PAPPA2: variants seen among roughly 807,000 people sequenced by gnomAD.
The protein encoded by PAPPA2 is pappalysin-2.
Under a neutral mutation model 176.4 loss-of-function variants are expected in PAPPA2, and 86 were observed. That is an observed-to-expected ratio of 0.49 (90% confidence interval 0.41 to 0.58). The LOEUF (loss-of-function observed/expected upper bound fraction) is 0.58, where lower values mean the gene tolerates loss of function less well. Among genes scored for constraint, PAPPA2 ranks in the 20% least tolerant of loss-of-function variants. The pLI is 0.00. For missense variants in PAPPA2, 2,073 were observed against 2,256.9 expected, an observed-to-expected ratio of 0.92 and a Z score of 1.65; for synonymous variants, 809 against 852.2, an observed-to-expected ratio of 0.95 and a Z score of 0.88.
chr1:176,713,190 C>T (rs1661219915), intron 12 of PAPPA2, among the ~76,000 whole-genome samples: 1 of 151,158 alleles, frequency 6.6e-6, no homozygotes, highest in African/African-American at 2.4e-5. Context: ...GGGTCTCGCT[C>T]TGTTTTCCAG....
At chr1:176,752,581 A>C (rs1231361064) in intron 14 of PAPPA2, among the ~76,000 whole-genome samples, 1 of 152,188 alleles carries the variant, frequency 6.6e-6, no homozygotes, top group Non-Finnish European at 1.5e-5. Context: ...AGACTCACAG[A>C]TAGAGACCTG....
At chr1:176,609,299 T>G (rs1297512160) in intron 3 of PAPPA2, among the ~76,000 whole-genome samples, 1 of 152,222 alleles carries the variant, frequency 6.6e-6, no homozygotes, top group Non-Finnish European at 1.5e-5. Context: ...AGACACTGTT[T>G]TCAGCTTTGT....
intron 21 of PAPPA2, among the ~76,000 whole-genome samples, chr1:176,820,512 T>C (rs1327370487): frequency 6.6e-6 from 1 of 152,106 alleles, no homozygotes; most frequent in East Asian, 1.9e-4. Flanking sequence ...AGCCGGGGTG[T>C]TTCCTTACAC....
At chr1:176,569,286 C>T (rs1230313818) in intron 2 of PAPPA2, among the ~76,000 whole-genome samples, 4 of 152,202 alleles carry the variant, frequency 2.6e-5, no homozygotes, top group African/African-American at 9.7e-5. Context: ...ATACAGCACT[C>T]TCCCTGGCCT....
At chr1:176,542,352 A>G (rs1650408611) in intron 1 of PAPPA2, among the ~76,000 whole-genome samples, 1 of 152,188 alleles carries the variant, frequency 6.6e-6, no homozygotes, top group South Asian at 2.1e-4. Context: ...TGGGAGTGAC[A>G]GAAAGTTTAA....
intron 17 of PAPPA2, among the ~76,000 whole-genome samples, chr1:176,784,616 T>C (rs1424676863): frequency 6.6e-6 from 1 of 151,280 alleles, no homozygotes; most frequent in Non-Finnish European, 1.5e-5. Context: ...AGACAGAATC[T>C]TGCTCTGTCT....
At chr1:176,594,425 C>T in intron 2 of PAPPA2, 99 bp from the exon 3 acceptor site, 3 of 1,017,160 alleles carry the variant, frequency 2.9e-6, no homozygotes, top group East Asian at 2.6e-5. Context: ...CCATTAAAAA[C>T]CTGCATTCTT....
intron 1 of PAPPA2, among the ~76,000 whole-genome samples, chr1:176,536,277 C>T (rs141515837): frequency 2.0e-5 from 3 of 152,252 alleles, no homozygotes; most frequent in Non-Finnish European, 2.9e-5. Context: ...AGGTAGGGTC[C>T]GGGTGAGCTT....
At chr1:176,632,134 G>A (rs570536112) in intron 3 of PAPPA2, among the ~76,000 whole-genome samples, 6 of 152,184 alleles carry the variant, frequency 3.9e-5, no homozygotes, top group South Asian at 2.1e-4. Context: ...ATTTTCACTC[G>A]TGAAGGAAAT....
At chr1:176,639,437 T>C (rs1656938674) in intron 3 of PAPPA2, among the ~76,000 whole-genome samples, 1 of 152,122 alleles carries the variant, frequency 6.6e-6, no homozygotes, top group Non-Finnish European at 1.5e-5. Context: ...TATTCTAACT[T>C]AAATCTAATT....
At chr1:176,723,073 C>T (rs146597205) in intron 12 of PAPPA2, among the ~76,000 whole-genome samples, 13 of 152,230 alleles carry the variant, frequency 8.5e-5, no homozygotes, top group East Asian at 1.9e-4. Context: ...CTTCTTGCTG[C>T]ATCAAAACAT....
At chr1:176,837,707 C>A (rs997721324) in intron 21 of PAPPA2, among the ~76,000 whole-genome samples, 1 of 151,982 alleles carries the variant, frequency 6.6e-6, no homozygotes, top group Non-Finnish European at 1.5e-5. Flanking sequence ...AAGCCCAGTA[C>A]CTTTTCTTGG....
At chr1:176,592,987 C>T (rs1653752474) in intron 2 of PAPPA2, among the ~76,000 whole-genome samples, 1 of 152,046 alleles carries the variant, frequency 6.6e-6, no homozygotes, top group South Asian at 2.1e-4. Flanking sequence ...CAGATAGACC[C>T]CAGTGTGAAA....
intron 3 of PAPPA2, among the ~76,000 whole-genome samples, chr1:176,662,872 A>G (rs2102761024): frequency 6.6e-6 from 1 of 152,312 alleles, no homozygotes; most frequent in African/African-American, 2.4e-5. Context: ...GGCTATTGCA[A>G]ATACTAAAAA....
intron 14 of PAPPA2, among the ~76,000 whole-genome samples, chr1:176,752,342 T>TA (rs58591760): frequency 0.05 from 4,788 of 96,474 alleles, 96 homozygotes; most frequent in Middle Eastern, 0.077. Flanking sequence ...TAGAGTATAA[T>TA]AAAAAAAAAA....
intron 3 of PAPPA2, among the ~76,000 whole-genome samples, chr1:176,646,676 G>T (rs1241475743): frequency 6.6e-6 from 1 of 151,144 alleles, no homozygotes; most frequent in Non-Finnish European, 1.5e-5. Context: ...GTCTTTCTGT[G>T]CTTGGCTTAT....
intron 3 of PAPPA2, among the ~76,000 whole-genome samples, chr1:176,660,571 T>G (rs974177466): frequency 3.3e-5 from 5 of 152,106 alleles, no homozygotes; most frequent in African/African-American, 1.2e-4. Context: ...AAAACTTTTT[T>G]GGGGGTAGTC....
chr1:176,687,744 C>CTT (rs570411577), intron 4 of PAPPA2, among the ~76,000 whole-genome samples: 1 of 148,200 alleles, frequency 6.7e-6, no homozygotes, highest in African/African-American at 2.5e-5. Context: ...TTGATTGGAA[C>CTT]TTTTTTTTTT....
Position 176,496,273 on chromosome 1 carries a change from T to A in PAPPA2, c.-917+32855T>A, listed in dbSNP as rs531951498. ...TGGGTAGTAGCCATTTTTTTCTTTATGGGAGCATGTCAGAAGCTATAGTTG... is the reference window on the plus strand; with the variant it reads ...TGGGTAGTAGCCATTTTTTTCTTTAAGGGAGCATGTCAGAAGCTATAGTTG... On this transcript the variant is annotated intron_variant, in intron 1 of 22. Coordinates refer to ENST00000367662, the MANE Select transcript of PAPPA2 (RefSeq NM_020318.3). Among the ~76,000 whole-genome samples, 23 of 152,278 alleles carry A rather than the reference T, an allele frequency of 1.5e-4. No homozygotes were observed. The South Asian group carries it at 4.8e-3, about 32-fold the overall frequency.
Sources: allele counts gnomAD v4.1 joint callset (sites outside exome capture counted in the v4.1 genomes callset), GRCh38; gene constraint gnomAD v4.1.1; transcripts MANE v1.5; gene names NCBI Gene and HGNC (gene_info 2026-07-23, HGNC 2026-07-21).